The following CEP63 variants were observed in gnomAD, a reference collection of about 807,000 sequenced individuals.
CEP63 encodes the protein centrosomal protein 63, also known as centrosomal protein of 63 kDa.
CEP63 carries 84 observed loss-of-function variants against 89.1 expected under a neutral mutation model. That is an observed-to-expected ratio of 0.94 (90% confidence interval 0.79 to 1.13). The LOEUF is 1.13. Ranked by LOEUF, CEP63 falls within the 50% of genes most tolerant of loss-of-function variation. CEP63 has a pLI of 0.00. For synonymous variants in CEP63, 267 were observed against 272.5 expected, an observed-to-expected ratio of 0.98 and a Z score of 0.20; for missense variants, 838 against 813.3, an observed-to-expected ratio of 1.03 and a Z score of -0.37.
At chr3:134,643,238 C>G in the CEP63 span, 2 of 1,417,984 alleles carry the variant, frequency 1.4e-6, no homozygotes, top group Non-Finnish European at 2.0e-6. Flanking sequence ...GCTCCACATC[C>G]TGGGCTGTCG....
downstream of CEP63, among the ~76,000 whole-genome samples, chr3:134,569,994 G>A (rs1054923060): frequency 2.6e-5 from 4 of 152,214 alleles, no homozygotes; most frequent in Non-Finnish European, 4.4e-5. Flanking sequence ...TATGGCCTGA[G>A]CTCTACGTTG....
chr3:134,648,360 AG>A, the CEP63 span, among the ~76,000 whole-genome samples: 1 of 152,134 alleles, frequency 6.6e-6, no homozygotes. Context: ...AGCCCCCCAT[AG>A]CCAGTGCCAG....
At chr3:134,627,185 A>G in the CEP63 span, among the ~76,000 whole-genome samples, 1 of 152,242 alleles carries the variant, frequency 6.6e-6, no homozygotes, top group Non-Finnish European at 1.5e-5. Flanking sequence ...AGATCTAAGT[A>G]TGATTCTACA....
chr3:134,593,591 G>A, the CEP63 span, among the ~76,000 whole-genome samples: 3 of 152,134 alleles, frequency 2.0e-5, no homozygotes, highest in African/African-American at 4.8e-5. Context: ...GACTGCCAAC[G>A]CTGAGGAGGA....
the CEP63 span, among the ~76,000 whole-genome samples, chr3:134,670,052 T>C: frequency 6.6e-6 from 1 of 152,198 alleles, no homozygotes; most frequent in Non-Finnish European, 1.5e-5. Flanking sequence ...TACAGCAACC[T>C]GGAAGAGGGC....
At chr3:134,718,930 A>T in the CEP63 span, among the ~76,000 whole-genome samples, 1 of 152,220 alleles carries the variant, frequency 6.6e-6, no homozygotes, top group Non-Finnish European at 1.5e-5. Context: ...TATTGAGGTT[A>T]TGGTTATATA....
rs1953139569 is a variant in CEP63, at chr3:134,545,720, C to T, written c.690C>T (p.Leu230=). 2 of 1,614,122 alleles carry T rather than the reference C, an allele frequency of 1.2e-6. No individual in the cohort carries two copies. Among genetic ancestry groups the T allele is most frequent in the African/African-American group, 2.7e-5 (2 of 75,022 alleles). ...ICANELEIER[L]TMRVNDLVGT... ...CCAATGAGTTGGAAATAGAGCGCCT[C>T]ACCATGAGGGTCAATGACTTGGTTG... The change falls in exon 7 of 15, where the codon CTC becomes CTT. Residue 230 remains leucine (L), a synonymous_variant. Transcript: ENST00000675561.
the CEP63 span, among the ~76,000 whole-genome samples, chr3:134,611,320 C>T: frequency 6.6e-6 from 1 of 152,116 alleles, no homozygotes; most frequent in Non-Finnish European, 1.5e-5. Flanking sequence ...GAGCTAAAAC[C>T]CTGAGGCCCA....
the CEP63 span, among the ~76,000 whole-genome samples, chr3:134,625,870 G>A: frequency 6.6e-6 from 1 of 152,260 alleles, no homozygotes; most frequent in African/African-American, 2.4e-5. Flanking sequence ...TCAGGTCTCT[G>A]AGACAGAGAT....
At chr3:134,487,131 A>G (rs1352036320) in intron 1 of CEP63, among the ~76,000 whole-genome samples, 1 of 152,206 alleles carries the variant, frequency 6.6e-6, no homozygotes, top group Non-Finnish European at 1.5e-5. Context: ...GATGCCCTGT[A>G]TTTATACAGT....
chr3:134,529,569 G>A (rs1949444661), intron 3 of CEP63, among the ~76,000 whole-genome samples: 1 of 152,090 alleles, frequency 6.6e-6, no homozygotes, highest in South Asian at 2.1e-4. Flanking sequence ...TCAAACTCCT[G>A]AACTCAAGTG....
the CEP63 span, among the ~76,000 whole-genome samples, chr3:134,630,711 T>G: frequency 6.6e-6 from 1 of 152,186 alleles, no homozygotes; most frequent in Admixed American, 6.5e-5. Context: ...AGGGCAGATC[T>G]GTATAGCATT....
At chr3:134,604,045 G>C in the CEP63 span, 1 of 1,614,010 alleles carries the variant, frequency 6.2e-7, no homozygotes, top group Non-Finnish European at 8.5e-7. Context: ...GCGCCGCTGT[G>C]TCTCCTCAGT....
chr3:134,719,922 C>G, the CEP63 span, among the ~76,000 whole-genome samples: 2 of 152,102 alleles, frequency 1.3e-5, no homozygotes, highest in South Asian at 4.1e-4. Context: ...ATAAATAATG[C>G]TCTATGAACA....
At chr3:134,604,487 A>G in the CEP63 span, 1 of 1,592,162 alleles carries the variant, frequency 6.3e-7, no homozygotes, top group Non-Finnish European at 8.6e-7. Flanking sequence ...GAGGAGAGAA[A>G]GTCAGGGTCA....
chr3:134,679,942 T>G, the CEP63 span, among the ~76,000 whole-genome samples: 2 of 152,200 alleles, frequency 1.3e-5, no homozygotes, highest in African/African-American at 4.8e-5. Flanking sequence ...AGGCTGGTCT[T>G]GGAACTCCTG....
chr3:134,545,924 C>G lies in CEP63; in HGVS notation c.789+105C>G, dbSNP rs138155332. The G allele has an allele frequency of 1.0e-3, 956 of 921,102 alleles. 6 individuals carry two copies. The African/African-American group carries it at 0.014, about 14-fold the overall frequency. The allele number at this position is 921,102 out of a possible 1,614,324, so 57.1% of individuals were successfully genotyped here. ...TCTACAATCCATACTTTCTTCCCTA[C>G]TTTATAAATGATGGATCAGATATTG... On this transcript the variant is annotated intron_variant, in intron 7 of 14. Coordinates refer to ENST00000675561, the MANE Select transcript of CEP63 (RefSeq NM_001353108.3).
At chr3:134,507,714 A>T (rs936320740) in intron 3 of CEP63, among the ~76,000 whole-genome samples, 1 of 150,588 alleles carries the variant, frequency 6.6e-6, no homozygotes, top group Non-Finnish European at 1.5e-5. Context: ...GAGAATCTTT[A>T]AAAAAAAACA....
the CEP63 span, among the ~76,000 whole-genome samples, chr3:134,760,089 C>G: frequency 2.9e-5 from 4 of 140,344 alleles, no homozygotes; most frequent in Non-Finnish European, 6.0e-5. Context: ...GACGGAGTCT[C>G]GCTCTGTCGC....
Sources: gnomAD v4.1 joint callset for allele counts (sites outside exome capture counted in the v4.1 genomes callset) on GRCh38, gnomAD v4.1.1 for gene constraint, MANE v1.5 for transcripts, NCBI Gene and HGNC (gene_info 2026-07-23, HGNC 2026-07-21) for gene names.